The following PXDNL variants were observed in gnomAD, a reference collection of about 807,000 sequenced individuals.
PXDNL encodes the protein probable oxidoreductase PXDNL.
A neutral mutation model predicts 150.8 loss-of-function variants in PXDNL; 145 were observed. The ratio of observed to expected loss-of-function variants is 0.96; its 90% CI spans 0.84 to 1.10. PXDNL has a LOEUF of 1.10. Ranked by LOEUF, PXDNL falls within the 50% of genes least tolerant of loss-of-function variation. The pLI, the probability that PXDNL is intolerant of heterozygous loss-of-function variation, is 0.00. For missense variants in PXDNL, 2,087 were observed against 1,873.9 expected, an observed-to-expected ratio of 1.11 and a Z score of -2.10; for synonymous variants, 757 against 725.7, an observed-to-expected ratio of 1.04 and a Z score of -0.69.
At position 51,320,860 on chromosome 8, in the gene PXDNL, C is replaced by T. The variant is rs1452444043; in HGVS notation, c.4184G>A (p.Cys1395Tyr). The T allele has an allele frequency of 1.2e-6, 2 of 1,613,960 alleles. No individual in the cohort carries two copies. Among genetic ancestry groups the T allele is most frequent in the East Asian group, 2.2e-5 (1 of 44,878 alleles). ...CCTTGGAACCCCTCTAACATCTGTA[C>T]ACCCTGCCTGCCTCAGGCGTGCCTC... is the stretch of plus-strand genomic sequence containing the variant. The part of the protein sequence containing the change: ...KLEARLRQAG[C>Y]TDVRGVPRKA... Residue 1395 changes from cysteine to tyrosine, a missense_variant, in exon 22 of 23, where the codon TGT becomes TAT. Cys to Tyr is a radical substitution (Grantham distance 194). Coordinates refer to ENST00000356297, the MANE Select transcript of PXDNL (RefSeq NM_144651.5).
At chr8:51,738,188 C>T (rs1278946565) in intron 1 of PXDNL, among the ~76,000 whole-genome samples, 1 of 152,198 alleles carries the variant, frequency 6.6e-6, no homozygotes, top group African/African-American at 2.4e-5. Context: ...GTCTTACTGA[C>T]CTTCCTCCTA....
intron 4 of PXDNL, among the ~76,000 whole-genome samples, chr8:51,538,581 C>G (rs1355879775): frequency 6.6e-6 from 1 of 152,030 alleles, no homozygotes. Context: ...GGCTGGCCAA[C>G]ATGATGAAAC....
At chr8:51,446,248 C>T (rs896881362) in intron 12 of PXDNL, among the ~76,000 whole-genome samples, 4 of 152,138 alleles carry the variant, frequency 2.6e-5, no homozygotes, top group Admixed American at 6.5e-5. Flanking sequence ...TATATGTTAC[C>T]TCTGAATTGA....
At chr8:51,700,018 A>G (rs915678964) in intron 1 of PXDNL, among the ~76,000 whole-genome samples, 1 of 152,174 alleles carries the variant, frequency 6.6e-6, no homozygotes, top group African/African-American at 2.4e-5. Flanking sequence ...AAATTGTGAG[A>G]CTGAGACAGG....
At chr8:51,532,597 C>T (rs1347669523) in intron 4 of PXDNL, among the ~76,000 whole-genome samples, 1 of 152,110 alleles carries the variant, frequency 6.6e-6, no homozygotes, top group Non-Finnish European at 1.5e-5. Context: ...TGGTTTTTAA[C>T]TTCTCCTTTG....
intron 3 of PXDNL, among the ~76,000 whole-genome samples, chr8:51,564,906 A>G (rs1429847442): frequency 6.6e-6 from 1 of 151,928 alleles, no homozygotes; most frequent in East Asian, 1.9e-4. Context: ...TTGGGATTTT[A>G]TTGATAAGTA....
At chr8:51,499,024 G>A (rs1204261466) in intron 5 of PXDNL, among the ~76,000 whole-genome samples, 1 of 152,134 alleles carries the variant, frequency 6.6e-6, no homozygotes, top group African/African-American at 2.4e-5. Context: ...CACATCTTCT[G>A]GTGCGTACAT....
chr8:51,444,003 T>G (rs1277017167), intron 12 of PXDNL, among the ~76,000 whole-genome samples: 1 of 152,222 alleles, frequency 6.6e-6, no homozygotes, highest in Non-Finnish European at 1.5e-5. Flanking sequence ...TTAACTTTAC[T>G]TATCATTTAA....
chr8:51,694,350 G>A (rs370721103), intron 1 of PXDNL, among the ~76,000 whole-genome samples: 1 of 144,084 alleles, frequency 6.9e-6, no homozygotes, highest in Non-Finnish European at 1.5e-5. Flanking sequence ...GCAATAGAGC[G>A]AGACTCCGTC....
At chr8:51,719,097 C>T (rs1045025150) in intron 1 of PXDNL, among the ~76,000 whole-genome samples, 20 of 152,212 alleles carry the variant, frequency 1.3e-4, no homozygotes, top group South Asian at 8.3e-4. Context: ...TCTGCCCGGC[C>T]GCCCCTTCTA....
At chr8:51,786,055 G>A (rs1053882498) in intron 1 of PXDNL, among the ~76,000 whole-genome samples, 8 of 152,090 alleles carry the variant, frequency 5.3e-5, no homozygotes, top group South Asian at 2.1e-4. Context: ...AACCATCCCC[G>A]CTTCAAGGAC....
intron 4 of PXDNL, among the ~76,000 whole-genome samples, chr8:51,503,019 A>G (rs959078407): frequency 6.6e-6 from 1 of 152,122 alleles, no homozygotes; most frequent in African/African-American, 2.4e-5. Context: ...AGCAATTCAT[A>G]TTTACTATGA....
chr8:51,520,714 C>A (rs1811644538), intron 4 of PXDNL, among the ~76,000 whole-genome samples: 1 of 152,106 alleles, frequency 6.6e-6, no homozygotes, highest in Non-Finnish European at 1.5e-5. Context: ...TCACATTGCC[C>A]AGCTCCTGCA....
At chr8:51,375,473 C>T (rs1447473630) in intron 17 of PXDNL, among the ~76,000 whole-genome samples, 1 of 152,206 alleles carries the variant, frequency 6.6e-6, no homozygotes, top group African/African-American at 2.4e-5. Flanking sequence ...TTGTTTCATA[C>T]ATATGATTCT....
At chr8:51,525,292 T>C (rs1356311196) in intron 4 of PXDNL, among the ~76,000 whole-genome samples, 1 of 152,198 alleles carries the variant, frequency 6.6e-6, no homozygotes, top group Non-Finnish European at 1.5e-5. Flanking sequence ...GATTTTATGG[T>C]ATGTAAATTA....
At chr8:51,567,885 T>C (rs546455872) in intron 3 of PXDNL, among the ~76,000 whole-genome samples, 3 of 151,814 alleles carry the variant, frequency 2.0e-5, no homozygotes, top group African/African-American at 4.8e-5. Context: ...TAAAAACCTA[T>C]GTAAATAGTT....
chr8:51,377,261 AT>A (rs11332117), intron 17 of PXDNL, among the ~76,000 whole-genome samples: 107,994 of 150,018 alleles, frequency 0.72, 41,067 homozygotes, highest in East Asian at 0.95. Context: ...CTTCTAGGGG[AT>A]TTTTTTTTTT....
intron 4 of PXDNL, among the ~76,000 whole-genome samples, chr8:51,550,437 A>G (rs1812455212): frequency 6.6e-6 from 1 of 152,212 alleles, no homozygotes; most frequent in Admixed American, 6.5e-5. Context: ...TCCTCAACAA[A>G]AACCTAGCTA....
chr8:51,709,626 A>G (rs1816454402), intron 1 of PXDNL, among the ~76,000 whole-genome samples: 1 of 152,206 alleles, frequency 6.6e-6, no homozygotes, highest in African/African-American at 2.4e-5. Context: ...AACTCATCAC[A>G]GTATTGTTTA....
Sources: allele counts gnomAD v4.1 joint callset (sites outside exome capture counted in the v4.1 genomes callset), GRCh38; gene constraint gnomAD v4.1.1; transcripts MANE v1.5; gene names NCBI Gene and HGNC (gene_info 2026-07-23, HGNC 2026-07-21).